The following PDE7B variants were observed in gnomAD, a reference collection of about 807,000 sequenced individuals.
The protein encoded by PDE7B is phosphodiesterase 7B.
PDE7B carries 29 observed loss-of-function variants against 56.2 expected under a neutral mutation model. The ratio of observed to expected loss-of-function variants is 0.52; its 90% CI spans 0.38 to 0.70. The LOEUF is 0.70. Among genes scored for constraint, PDE7B ranks in the 30% least tolerant of loss-of-function variants. PDE7B has a pLI of 0.00. For missense variants in PDE7B, 490 were observed against 565.0 expected (o/e 0.87, Z 1.35); for synonymous variants, 197 against 196.9 (o/e 1.00, Z 0.00).
At position 136,155,772 on chromosome 6, in the gene PDE7B, A is replaced by T. The variant is rs751005339; in HGVS notation, c.711+14A>T. ...AACCTATATCAGGTAAGGGAGCCCA[A>T]CCTGGAGCCAGCCACAGTATGGTCA... On this transcript the variant is annotated intron_variant, in intron 8 of 12. Transcript: ENST00000308191. The T allele has an allele frequency of 6.2e-7, 1 of 1,613,798 alleles. No homozygotes were observed. Among genetic ancestry groups the T allele is most frequent in the South Asian group, 1.1e-5 (1 of 91,088 alleles).
intron 2 of PDE7B, among the ~76,000 whole-genome samples, chr6:136,085,161 G>A (rs1204309603): frequency 6.6e-6 from 1 of 152,154 alleles, no homozygotes; most frequent in Non-Finnish European, 1.5e-5. Context: ...ATACATTTAA[G>A]AGGGTCTTAA....
chr6:135,887,686 G>A (rs1056784841), intron 1 of PDE7B, among the ~76,000 whole-genome samples: 3 of 151,934 alleles, frequency 2.0e-5, no homozygotes, highest in Non-Finnish European at 4.4e-5. Context: ...TATTGAAAAG[G>A]CTTAATTGGC....
intron 1 of PDE7B, among the ~76,000 whole-genome samples, chr6:135,881,341 C>CAAAAAAAAA (rs34454603): frequency 8.3e-6 from 1 of 119,960 alleles, no homozygotes; most frequent in Non-Finnish European, 1.8e-5. Context: ...ACTAAAAATA[C>CAAAAAAAAA]AAAAAAAAAA....
chr6:135,902,225 A>G (rs1216012243), intron 1 of PDE7B, among the ~76,000 whole-genome samples: 4 of 152,188 alleles, frequency 2.6e-5, no homozygotes, highest in Admixed American at 2.6e-4. Flanking sequence ...TTTCAAAAAG[A>G]CATGCTGGAG....
chr6:136,129,101 T>C (rs570645158), intron 3 of PDE7B, among the ~76,000 whole-genome samples: 58 of 152,350 alleles, frequency 3.8e-4, no homozygotes, highest in African/African-American at 1.4e-3. Context: ...TCTACCAATC[T>C]GTATTGGGCA....
At chr6:136,189,674 C>T (rs1287350357) in intron 12 of PDE7B, among the ~76,000 whole-genome samples, 1 of 152,056 alleles carries the variant, frequency 6.6e-6, no homozygotes, top group Non-Finnish European at 1.5e-5. Flanking sequence ...TCCTTCAATC[C>T]TTGTCTACTC....
At chr6:136,108,442 G>A (rs945005937) in intron 2 of PDE7B, among the ~76,000 whole-genome samples, 1 of 152,056 alleles carries the variant, frequency 6.6e-6, no homozygotes, top group Non-Finnish European at 1.5e-5. Flanking sequence ...CTGTGGCCCT[G>A]GGAAGCATAA....
At chr6:135,929,935 G>A (rs1432869579) in intron 1 of PDE7B, among the ~76,000 whole-genome samples, 1 of 152,202 alleles carries the variant, frequency 6.6e-6, no homozygotes, top group Admixed American at 6.5e-5. Flanking sequence ...ACCTAGAGCA[G>A]TGTGTGACTA....
At chr6:136,103,162 A>T (rs545560020) in intron 2 of PDE7B, among the ~76,000 whole-genome samples, 1 of 152,296 alleles carries the variant, frequency 6.6e-6, no homozygotes, top group Admixed American at 6.5e-5. Flanking sequence ...GAAGCCTCCT[A>T]CTTAGCCAGT....
At chr6:135,852,221 G>A (rs754367429) in intron 1 of PDE7B, among the ~76,000 whole-genome samples, 19 of 151,770 alleles carry the variant, frequency 1.3e-4, no homozygotes, top group Non-Finnish European at 2.4e-4. Context: ...TGAATTAACC[G>A]TTTAAGGGCA....
rs78812984 is a variant in PDE7B at position 135,917,820 on chromosome 6, A to G, written c.22-29644A>G. 1.2e-3 allele frequency among the ~76,000 whole-genome samples: 184 copies of G among 152,286 alleles called. 1 individual carries two copies. Among genetic ancestry groups the G allele is most frequent in the African/African-American group, 4.1e-3 (169 of 41,576 alleles). The stretch of plus-strand genomic sequence containing the variant: ...GCCTGTGAATAAGCTTTGCCAGGAC[A>G]TAGTCTGCAGGGCTAAAGTGGCCTC... On this transcript the variant is annotated intron_variant, in intron 1 of 12. Transcript: ENST00000308191.
intron 2 of PDE7B, among the ~76,000 whole-genome samples, chr6:135,981,874 G>C (rs983853998): frequency 6.6e-6 from 1 of 151,044 alleles, no homozygotes; most frequent in African/African-American, 2.4e-5. Flanking sequence ...ATCATGTGCT[G>C]TACAAAATTG....
At chr6:136,038,508 A>T (rs1463121812) in intron 2 of PDE7B, 2 of 1,285,756 alleles carry the variant, frequency 1.6e-6, no homozygotes, top group African/African-American at 1.5e-5. Flanking sequence ...GACAATGAAG[A>T]TGCTCTCCGC....
intron 2 of PDE7B, among the ~76,000 whole-genome samples, chr6:136,065,945 T>C (rs1033523507): frequency 1.2e-4 from 19 of 152,244 alleles, no homozygotes; most frequent in Non-Finnish European, 4.4e-5. Flanking sequence ...TTCAGAGTTC[T>C]AACTGGTGGT....
intron 12 of PDE7B, among the ~76,000 whole-genome samples, chr6:136,191,169 T>TTC (rs1201642771): frequency 1.3e-5 from 2 of 152,172 alleles, no homozygotes; most frequent in African/African-American, 4.8e-5. Flanking sequence ...GAGTTTAGTA[T>TTC]TCTCTTTAGC....
chr6:135,879,066 C>G (rs1775555618), intron 1 of PDE7B, among the ~76,000 whole-genome samples: 1 of 151,898 alleles, frequency 6.6e-6, no homozygotes, highest in East Asian at 1.9e-4. Context: ...CCATTTTTGA[C>G]TTCATGGTTT....
chr6:136,137,485 A>C (rs1296966864), intron 3 of PDE7B, among the ~76,000 whole-genome samples: 3 of 152,122 alleles, frequency 2.0e-5, no homozygotes, highest in Non-Finnish European at 4.4e-5. Flanking sequence ...CTGCTCACTT[A>C]AACACAAAGG....
intron 2 of PDE7B, among the ~76,000 whole-genome samples, chr6:136,080,842 G>T (rs766957182): frequency 6.6e-6 from 1 of 152,168 alleles, no homozygotes; most frequent in Non-Finnish European, 1.5e-5. Flanking sequence ...GCAAGATATG[G>T]CGATGAATGC....
At chr6:136,061,958 C>T (rs1438736451) in intron 2 of PDE7B, among the ~76,000 whole-genome samples, 1 of 152,208 alleles carries the variant, frequency 6.6e-6, no homozygotes, top group Non-Finnish European at 1.5e-5. Flanking sequence ...ATTAGCATTA[C>T]TGTGCCAGTC....
Sources: gnomAD v4.1 joint callset for allele counts (sites outside exome capture counted in the v4.1 genomes callset) on GRCh38, gnomAD v4.1.1 for gene constraint, MANE v1.5 for transcripts, NCBI Gene and HGNC (gene_info 2026-07-23, HGNC 2026-07-21) for gene names.